Variants in ENTREP2 observed in about 807,000 individuals in gnomAD.
ENTREP2 encodes the protein endosomal transmembrane epsin interactor 2.
the ENTREP2 span, among the ~76,000 whole-genome samples, chr15:29,201,091 T>A: frequency 3.5e-3 from 530 of 152,338 alleles, 1 homozygote; most frequent in African/African-American, 0.012. Context: ...CAATTGAATT[T>A]TGTATGTTTA....
At chr15:29,638,147 T>C in the ENTREP2 span, among the ~76,000 whole-genome samples, 397 of 152,312 alleles carry the variant, frequency 2.6e-3, 5 homozygotes, top group African/African-American at 9.2e-3. Context: ...TCAAAAGGAA[T>C]CTGGCCTTGT....
the ENTREP2 span, chr15:29,123,649 A>T: frequency 6.5e-7 from 1 of 1,546,346 alleles, no homozygotes; most frequent in Non-Finnish European, 8.7e-7. Flanking sequence ...AGAGCGAGAC[A>T]TGGAAGCTAA....
chr15:29,630,102 T>G, the ENTREP2 span, among the ~76,000 whole-genome samples: 1 of 152,214 alleles, frequency 6.6e-6, no homozygotes, highest in African/African-American at 2.4e-5. Context: ...GGTGACACAA[T>G]GAGACCCTGT....
At chr15:29,569,103 A>T in the ENTREP2 span, among the ~76,000 whole-genome samples, 4 of 152,170 alleles carry the variant, frequency 2.6e-5, no homozygotes, top group Non-Finnish European at 5.9e-5. Flanking sequence ...TGAGCAATAG[A>T]TGTGTGAAAA....
At chr15:29,380,252 A>G in the ENTREP2 span, among the ~76,000 whole-genome samples, 2 of 152,140 alleles carry the variant, frequency 1.3e-5, no homozygotes, top group African/African-American at 4.8e-5. Flanking sequence ...GATACAGCAG[A>G]AGAGGAGCCT....
At chr15:29,566,912 T>A in the ENTREP2 span, among the ~76,000 whole-genome samples, 2 of 150,832 alleles carry the variant, frequency 1.3e-5, no homozygotes, top group Admixed American at 6.6e-5. Context: ...TTTACCAACA[T>A]ATGTAACTGG....
the ENTREP2 span, among the ~76,000 whole-genome samples, chr15:29,421,868 T>C: frequency 2.0e-5 from 3 of 152,330 alleles, no homozygotes; most frequent in African/African-American, 7.2e-5. Flanking sequence ...TCAGCTAATT[T>C]CTTCAATTAT....
chr15:29,615,508 G>A, the ENTREP2 span, among the ~76,000 whole-genome samples: 3 of 152,082 alleles, frequency 2.0e-5, no homozygotes, highest in African/African-American at 7.2e-5. Context: ...GAGATTAAGA[G>A]GGAGAGATCT....
At chr15:29,194,418 C>T in the ENTREP2 span, among the ~76,000 whole-genome samples, 1 of 152,204 alleles carries the variant, frequency 6.6e-6, no homozygotes, top group Non-Finnish European at 1.5e-5. Context: ...TTGATAGTTC[C>T]TATCTCTAAG....
the ENTREP2 span, among the ~76,000 whole-genome samples, chr15:29,524,454 G>T: frequency 1.3e-5 from 2 of 152,220 alleles, no homozygotes; most frequent in African/African-American, 4.8e-5. Flanking sequence ...GAGCTCCCAA[G>T]ATGTGGCAGA....
chr15:29,402,265 T>TATATATATATATATATATATATACACAC, the ENTREP2 span, among the ~76,000 whole-genome samples: 32 of 137,838 alleles, frequency 2.3e-4, no homozygotes, highest in African/African-American at 7.9e-4. Flanking sequence ...TATATATATA[T>TATATATATATATATATATATATACACAC]ACACACACAT....
the ENTREP2 span, among the ~76,000 whole-genome samples, chr15:29,500,924 A>C: frequency 6.6e-6 from 1 of 152,004 alleles, no homozygotes; most frequent in African/African-American, 2.4e-5. Context: ...TTCTAAGAAA[A>C]TTCTATGAAA....
chr15:29,137,337 T>C, the ENTREP2 span: 1 of 788,716 alleles, frequency 1.3e-6, no homozygotes. Context: ...AAGCACACAC[T>C]TTAAAATGAA....
the ENTREP2 span, among the ~76,000 whole-genome samples, chr15:29,174,968 G>T: frequency 1.3e-5 from 2 of 152,180 alleles, no homozygotes; most frequent in Non-Finnish European, 2.9e-5. Flanking sequence ...CTTTTACAAA[G>T]ACACTGAATA....
At chr15:29,318,470 G>A in the ENTREP2 span, among the ~76,000 whole-genome samples, 2 of 152,066 alleles carry the variant, frequency 1.3e-5, no homozygotes, top group Admixed American at 6.5e-5. Context: ...ACAGGCGCCT[G>A]CCAGCACACC....
chr15:29,368,758 TC>T, the ENTREP2 span, among the ~76,000 whole-genome samples: 1 of 151,826 alleles, frequency 6.6e-6, no homozygotes, highest in Non-Finnish European at 1.5e-5. Context: ...TCACCTGTAA[TC>T]TCAGCTACTC....
the ENTREP2 span, among the ~76,000 whole-genome samples, chr15:29,583,545 T>A: frequency 3.9e-5 from 6 of 152,196 alleles, no homozygotes; most frequent in Non-Finnish European, 7.3e-5. Flanking sequence ...CTGGGCTTAA[T>A]ACCTAGGTGA....
chr15:29,649,781 G>T, the ENTREP2 span, among the ~76,000 whole-genome samples: 1 of 146,602 alleles, frequency 6.8e-6, no homozygotes, highest in Non-Finnish European at 1.5e-5. Context: ...AAAGAAAATA[G>T]AAATGCTGGC....
the ENTREP2 span, among the ~76,000 whole-genome samples, chr15:29,163,580 C>G: frequency 2.0e-5 from 3 of 152,042 alleles, no homozygotes; most frequent in South Asian, 6.2e-4. Context: ...AGCTCAAAGA[C>G]AAGGTCTTTG....
Sources: allele counts gnomAD v4.1 joint callset (sites outside exome capture counted in the v4.1 genomes callset), GRCh38; gene constraint gnomAD v4.1.1; transcripts MANE v1.5; gene names NCBI Gene and HGNC (gene_info 2026-07-23, HGNC 2026-07-21).